Variants in TCF7L2 observed in about 807,000 individuals in gnomAD.
TCF7L2 encodes transcription factor 7 like 2.
Under a neutral mutation model 77.9 loss-of-function variants are expected in TCF7L2, and 23 were observed. The ratio of observed to expected loss-of-function variants is 0.30; its 90% CI spans 0.21 to 0.42. The LOEUF (loss-of-function observed/expected upper bound fraction) is 0.42. TCF7L2 is among the 10% of genes least tolerant of loss of function. The pLI is 1.00. For missense variants in TCF7L2, 654 were observed against 793.1 expected, an observed-to-expected ratio of 0.82 and a Z score of 2.11; for synonymous variants, 413 against 340.2, an observed-to-expected ratio of 1.21 and a Z score of -2.36.
intron 4 of TCF7L2, among the ~76,000 whole-genome samples, chr10:113,013,926 T>A (rs2046891758): frequency 6.6e-6 from 1 of 152,238 alleles, no homozygotes; most frequent in Non-Finnish European, 1.5e-5. Flanking sequence ...GTTAACTTAT[T>A]TTTTAAAGCT....
chr10:113,060,548 G>A (rs1244712833), intron 5 of TCF7L2, among the ~76,000 whole-genome samples: 1 of 152,022 alleles, frequency 6.6e-6, no homozygotes, highest in Non-Finnish European at 1.5e-5. Flanking sequence ...AGAACTTCAG[G>A]CTTTCTCTCC....
At chr10:112,966,994 G>A (rs1010342314) in intron 4 of TCF7L2, among the ~76,000 whole-genome samples, 1 of 152,152 alleles carries the variant, frequency 6.6e-6, no homozygotes, top group South Asian at 2.1e-4. Context: ...CCCGCACAAG[G>A]CCAAGCTAAA....
chr10:113,080,317 A>G (rs2059195005), intron 5 of TCF7L2, among the ~76,000 whole-genome samples: 2 of 151,646 alleles, frequency 1.3e-5, no homozygotes, highest in Admixed American at 6.6e-5. Flanking sequence ...GATACATTAC[A>G]AGGCAGCTAC....
intron 3 of TCF7L2, among the ~76,000 whole-genome samples, chr10:112,959,170 C>CT (rs34886366): frequency 0.37 from 54,696 of 148,968 alleles, 10,955 homozygotes; most frequent in African/African-American, 0.56. Flanking sequence ...TCAAGCTCAA[C>CT]TTTTTTTTTT....
chr10:113,063,869 A>G (rs192200759), intron 5 of TCF7L2, among the ~76,000 whole-genome samples: 49 of 147,348 alleles, frequency 3.3e-4, no homozygotes, highest in Admixed American at 3.1e-3. Context: ...AGAAGAGTGT[A>G]TGTGTGTGTG....
intron 3 of TCF7L2, among the ~76,000 whole-genome samples, chr10:112,961,793 C>G (rs2035298884): frequency 1.6e-5 from 2 of 126,164 alleles, no homozygotes; most frequent in African/African-American, 5.9e-5. Flanking sequence ...GTGAGGTTTT[C>G]TGTGTCGCTG....
At position 113,128,670 on chromosome 10, in the gene TCF7L2, G is replaced by A. The variant is rs12762384; in HGVS notation, c.553-12514G>A. ...TGAAATGGCTTAACACTTGGGGTGGGAAAAGACCGGAAAAGCGTTCTGGAT... is the reference window on the plus strand; with the variant it reads ...TGAAATGGCTTAACACTTGGGGTGGAAAAAGACCGGAAAAGCGTTCTGGAT... On this transcript the variant is annotated intron_variant, in intron 5 of 13. Coordinates refer to ENST00000627217, the MANE Select transcript of TCF7L2 (RefSeq NM_001146274.2). Among the ~76,000 whole-genome samples the A allele has an allele frequency of 9.9e-5, 15 of 152,206 alleles. No homozygotes were observed. The South Asian group carries it at 2.7e-3, about 27-fold the overall frequency.
intron 4 of TCF7L2, among the ~76,000 whole-genome samples, chr10:113,023,812 G>A (rs1009119733): frequency 8.5e-5 from 13 of 152,156 alleles, no homozygotes; most frequent in African/African-American, 2.9e-4. Flanking sequence ...GGGACTACAG[G>A]CACCTGCCAC....
intron 4 of TCF7L2, among the ~76,000 whole-genome samples, chr10:113,012,767 T>G (rs1479416385): frequency 1.3e-5 from 2 of 152,206 alleles, no homozygotes; most frequent in Non-Finnish European, 1.5e-5. Context: ...AATATTTGCT[T>G]TGCATATTTT....
chr10:113,133,368 C>G (rs2066902378), intron 5 of TCF7L2: 1 of 152,222 alleles, frequency 6.6e-6, no homozygotes, highest in Admixed American at 6.5e-5. Context: ...TCCTCCATCC[C>G]AACACCTCCA....
chr10:113,152,182 C>T lies in TCF7L2; in HGVS notation c.1162-151C>T, dbSNP rs146531032. 1,293 of 804,498 alleles carry T rather than the reference C, an allele frequency of 1.6e-3. 6 individuals carry two copies. The highest frequency in any genetic ancestry group is 0.011 in the African/African-American group (650 of 59,014). The allele number at this position is 804,498 out of a possible 1,614,324, so 49.8% of individuals were successfully genotyped here. ...CCTGTTAGTGCCAGGACCCAGCCGA[C>T]GGTCAGTATGTACAGATTATACCAT... On this transcript the variant is annotated intron_variant, in intron 10 of 13. Coordinates refer to ENST00000627217, the MANE Select transcript of TCF7L2 (RefSeq NM_001146274.2).
intron 5 of TCF7L2, among the ~76,000 whole-genome samples, chr10:113,057,219 A>G (rs1477350153): frequency 6.6e-6 from 1 of 152,054 alleles, no homozygotes; most frequent in African/African-American, 2.4e-5. Context: ...CCATGGGGAG[A>G]CAAGACAGGC....
chr10:112,964,288 T>A (rs1283734631), intron 3 of TCF7L2, among the ~76,000 whole-genome samples: 5 of 152,160 alleles, frequency 3.3e-5, no homozygotes, highest in African/African-American at 1.2e-4. Flanking sequence ...TTCATGTCAT[T>A]GATTCTCACT....
Position 113,009,022 on chromosome 10 carries a change from G to A in TCF7L2, c.451-31003G>A, listed in dbSNP as rs189757322. Among the ~76,000 whole-genome samples the A allele has an allele frequency of 5.4e-4, 82 of 152,260 alleles. 1 individual carries two copies. The highest frequency in any genetic ancestry group is 1.8e-3 in the African/African-American group (75 of 41,540). On this transcript the variant is annotated intron_variant, in intron 4 of 13. Coordinates refer to ENST00000627217, the MANE Select transcript of TCF7L2 (RefSeq NM_001146274.2). Reference sequence around the variant, plus strand: ...AGTGGCGCAATCCACTGTAACCATTGCGTTCTGGGTTCAAGCGATCCTCCC... The same window carrying A: ...AGTGGCGCAATCCACTGTAACCATTACGTTCTGGGTTCAAGCGATCCTCCC...
rs57255539 is a variant in TCF7L2, at chr10:112,955,158, C to A, written c.381+3551C>A. Among the ~76,000 whole-genome samples the A allele has an allele frequency of 0.025, 3,799 of 152,020 alleles. 286 individuals carry two copies. The East Asian group carries it at 0.31, about 12-fold the overall frequency. On this transcript the variant is annotated intron_variant, in intron 3 of 13. Coordinates refer to ENST00000627217, the MANE Select transcript of TCF7L2 (RefSeq NM_001146274.2). ...TTTCAAAGTGTGACATTCCAAGCCC[C>A]TACATAACAATGTAATATTACTGTA...
intron 5 of TCF7L2, among the ~76,000 whole-genome samples, chr10:113,051,539 C>T (rs371014198): frequency 4.4e-4 from 67 of 152,302 alleles, no homozygotes; most frequent in African/African-American, 1.6e-3. Flanking sequence ...ATTCTTCTAT[C>T]GCTATTTAGA....
chr10:113,037,807 TG>T (rs2051614232), intron 4 of TCF7L2, among the ~76,000 whole-genome samples: 1 of 152,180 alleles, frequency 6.6e-6, no homozygotes, highest in African/African-American at 2.4e-5. Flanking sequence ...AGGGATAGCA[TG>T]GGATGTAGAT....
At position 112,984,906 on chromosome 10, in the gene TCF7L2, A is replaced by G. The variant is rs185691529; in HGVS notation, c.450+20282A>G. On this transcript the variant is annotated intron_variant, in intron 4 of 13. Transcript: ENST00000627217. ...GTTAAGCATTTTTGTTGTGATAAGG[A>G]GGCGTTCTGGGATGATGGATAAAAC... 3.0e-3 allele frequency among the ~76,000 whole-genome samples: 457 copies of G among 152,294 alleles called. 2 individuals are homozygous for G. Among genetic ancestry groups the G allele is most frequent in the African/African-American group, 0.01 (428 of 41,562 alleles).
intron 5 of TCF7L2, among the ~76,000 whole-genome samples, chr10:113,108,003 A>G (rs1224685015): frequency 2.0e-5 from 3 of 152,160 alleles, no homozygotes; most frequent in African/African-American, 7.2e-5. Flanking sequence ...TTTTCCTAAT[A>G]AAGATTCCAA....
Sources: allele counts gnomAD v4.1 joint callset (sites outside exome capture counted in the v4.1 genomes callset), GRCh38; gene constraint gnomAD v4.1.1; transcripts MANE v1.5; gene names NCBI Gene and HGNC (gene_info 2026-07-23, HGNC 2026-07-21).